The following CACNA1A variants were observed in gnomAD, a reference collection of about 807,000 sequenced individuals.
CACNA1A encodes voltage-dependent P/Q-type calcium channel subunit alpha-1A.
CACNA1A carries 57 observed loss-of-function variants against 262.4 expected under a neutral mutation model. The observed-to-expected ratio is 0.22, with a 90% confidence interval of 0.18 to 0.27. The LOEUF (loss-of-function observed/expected upper bound fraction) is 0.27. CACNA1A is among the 10% of genes least tolerant of loss of function. CACNA1A has a pLI of 1.00. For missense variants in CACNA1A, 2,526 were observed against 3,562.8 expected (o/e 0.71, Z 7.41); for synonymous variants, 1,431 against 1,419.3 (o/e 1.01, Z -0.18).
At chr19:13,402,041 T>A (rs2059907859) in intron 3 of CACNA1A, among the ~76,000 whole-genome samples, 1 of 152,220 alleles carries the variant, frequency 6.6e-6, no homozygotes, top group Non-Finnish European at 1.5e-5. Context: ...ATTTTTGGTT[T>A]TATTGGTTAT....
intron 1 of CACNA1A, among the ~76,000 whole-genome samples, chr19:13,499,931 T>A: frequency 6.6e-6 from 1 of 151,600 alleles, no homozygotes; most frequent in South Asian, 2.1e-4. Context: ...GCTGAGAAAG[T>A]GTATATGTGT....
At chr19:13,432,240 C>T (rs2060520976) in intron 3 of CACNA1A, among the ~76,000 whole-genome samples, 1 of 151,052 alleles carries the variant, frequency 6.6e-6, no homozygotes, top group African/African-American at 2.4e-5. Context: ...CATGGTGAAA[C>T]CCCGTCTCTA....
At chr19:13,286,463 C>G (rs753811539) in intron 20 of CACNA1A, 40 bp downstream of exon 20, 18 of 1,047,028 alleles carry the variant, frequency 1.7e-5, no homozygotes, top group Non-Finnish European at 2.5e-5. Context: ...CCAGGGACGC[C>G]AGGTCCCCTG....
intron 3 of CACNA1A, among the ~76,000 whole-genome samples, chr19:13,426,439 G>C (rs2060404799): frequency 2.0e-5 from 3 of 152,166 alleles, no homozygotes; most frequent in Admixed American, 2.0e-4. Flanking sequence ...GCATTTAGTA[G>C]GGTGAGAGGC....
intron 31 of CACNA1A, chr19:13,244,199 C>A (rs186750569): frequency 6.6e-6 from 1 of 152,134 alleles, no homozygotes; most frequent in African/African-American, 2.4e-5. Context: ...GGTGGGTGGT[C>A]GCTGGACACC....
rs745341861 is a variant in CACNA1A at position 13,462,297 on chromosome 19, C to A, written c.294-7085G>T. On this transcript the variant is annotated intron_variant, in intron 1 of 46. Coordinates refer to ENST00000360228, the MANE Select transcript of CACNA1A (RefSeq NM_001127222.2). The stretch of plus-strand genomic sequence containing the variant: ...TGCTGATGGGTGGGTTCTAAGGAAA[C>A]AGATACTTGTAGCAGTTAGCCAGGT... Among the ~76,000 whole-genome samples, 11 of 152,124 alleles carry A rather than the reference C, an allele frequency of 7.2e-5. No individual in the cohort carries two copies. In the South Asian group the frequency reaches 2.1e-3, roughly 29 times the overall value.
Position 13,283,816 on chromosome 19 carries a change from T to C in CACNA1A, c.3693-420A>G, listed in dbSNP as rs552532857. On this transcript the variant is annotated intron_variant, in intron 21 of 46. Transcript: ENST00000360228. ...CTTTTTAAAAATTAGCTGTGTGACC[T>C]TGGGCAAGTTACTTGTCCCCTCTGT... 861 of 159,356 alleles carry C rather than the reference T, an allele frequency of 5.4e-3. 2 individuals are homozygous for C. The highest frequency in any genetic ancestry group is 0.01 in the Middle Eastern group (3 of 298). The allele number at this position is 159,356 out of a possible 1,614,324, so 9.9% of individuals were successfully genotyped here. A position where few individuals can be genotyped will look rare whatever the true frequency, so the allele number is the denominator to read the frequency against.
At chr19:13,437,781 G>A (rs1014119989) in intron 3 of CACNA1A, among the ~76,000 whole-genome samples, 1 of 151,826 alleles carries the variant, frequency 6.6e-6, no homozygotes, top group Admixed American at 6.6e-5. Context: ...CAACCAGCCT[G>A]GCCTCTGCCC....
Position 13,299,357 on chromosome 19 carries a change from C to A in CACNA1A, c.2280-4G>T. 4.4e-6 allele frequency: 7 copies of A among 1,599,164 alleles called. No homozygotes were observed. Among genetic ancestry groups the A allele is most frequent in the Non-Finnish European group, 5.9e-6 (7 of 1,179,412 alleles). The stretch of plus-strand genomic sequence containing the variant: ...TTGATTCTTCTGTTGCTCTTTCCTG[C>A]AGTGGCATGGTCACAGGACTTAGAG... On this transcript the variant is annotated splice_region_variant and splice_polypyrimidine_tract_variant and intron_variant, in intron 18 of 46. Coordinates refer to ENST00000360228, the MANE Select transcript of CACNA1A (RefSeq NM_001127222.2).
At chr19:13,400,199 T>G (rs1431326479) in intron 3 of CACNA1A, among the ~76,000 whole-genome samples, 1 of 152,154 alleles carries the variant, frequency 6.6e-6, no homozygotes. Context: ...TGAACAGGTG[T>G]GTGTGTGTGG....
In CACNA1A at chr19:13,299,020, G is replaced by A; in HGVS notation, c.2613C>T (p.Pro871=). The A allele has an allele frequency of 6.3e-7, 1 of 1,589,822 alleles. No homozygotes were observed. Among genetic ancestry groups the A allele is most frequent in the Non-Finnish European group, 8.5e-7 (1 of 1,173,994 alleles). ...QARYHDRARD[P]SGSAGLDARR... ...GTGCGTCCAGGCCCGCCGAGCCGCT[G>A]GGGTCCCGGGCCCGATCGTGGTAGC... The change falls in exon 19 of 47, where the codon CCC becomes CCT. Residue 871 remains proline (P), a synonymous_variant. Transcript: ENST00000360228.
chr19:13,476,765 T>G (rs1599340577), intron 1 of CACNA1A, among the ~76,000 whole-genome samples: 1 of 152,082 alleles, frequency 6.6e-6, no homozygotes, highest in Non-Finnish European at 1.5e-5. Context: ...ATAACCAGAA[T>G]CCAGCCACTC....
rs1416765142 is a variant in CACNA1A, at chr19:13,324,814, CAG to C, written c.1345+5428_1345+5429del. Among the ~76,000 whole-genome samples the C allele has an allele frequency of 1.1e-4, 17 of 152,104 alleles. 1 individual carries two copies. The stretch of plus-strand genomic sequence containing the variant: ...GCCTGAGCCCAGGAGCTCCAGGCTG[CAG>C]AGAGCTATGATCATATCACTGCACT... On this transcript the variant is annotated intron_variant, in intron 10 of 46. Coordinates refer to ENST00000360228, the MANE Select transcript of CACNA1A (RefSeq NM_001127222.2).
chr19:13,348,815 ACAGAG>A (rs2058844677), intron 6 of CACNA1A, among the ~76,000 whole-genome samples: 1 of 151,990 alleles, frequency 6.6e-6, no homozygotes, highest in East Asian at 1.9e-4. Context: ...CAGCCTGGCG[ACAGAG>A]CAAGACTCCA....
chr19:13,330,214 A>G (rs747955551), intron 10 of CACNA1A, 30 bp downstream of exon 10: 1 of 1,478,758 alleles, frequency 6.8e-7, no homozygotes, highest in Non-Finnish European at 9.3e-7. Context: ...GGTGATGAAC[A>G]ACTGATAGGT....
chr19:13,376,689 AAT>A (rs543551392), intron 3 of CACNA1A, among the ~76,000 whole-genome samples: 64 of 147,550 alleles, frequency 4.3e-4, no homozygotes, highest in African/African-American at 7.0e-4. Context: ...CACTACACAT[AAT>A]ATATGTTACA....
intron 10 of CACNA1A, among the ~76,000 whole-genome samples, chr19:13,318,664 A>G (rs1008051200): frequency 3.3e-5 from 5 of 151,972 alleles, no homozygotes; most frequent in Non-Finnish European, 5.9e-5. Context: ...TTAAGCGGGG[A>G]GGATTTGGGA....
chr19:13,292,354 T>C lies in CACNA1A; in HGVS notation c.3090-5388A>G, dbSNP rs189179840. On this transcript the variant is annotated intron_variant, in intron 19 of 46. Coordinates refer to ENST00000360228, the MANE Select transcript of CACNA1A (RefSeq NM_001127222.2). ...TCGGCCTGGCAAGGTAGCTCGCTCCTGTAATCCCAGCACTTTGGGAGGCTG... is the reference window on the plus strand; with the variant it reads ...TCGGCCTGGCAAGGTAGCTCGCTCCCGTAATCCCAGCACTTTGGGAGGCTG... Among the ~76,000 whole-genome samples, 240 of 152,308 alleles carry C rather than the reference T, an allele frequency of 1.6e-3. 3 individuals are homozygous for C. The highest frequency in any genetic ancestry group is 0.014 in the Admixed American group (221 of 15,298).
At chr19:13,255,372 T>A in intron 28 of CACNA1A, 113 bp from the exon 29 acceptor site, 1 of 914,524 alleles carries the variant, frequency 1.1e-6, no homozygotes, top group Non-Finnish European at 1.6e-6. Context: ...CTTGAGTCTC[T>A]GCCTCTCTTG....
Sources: gnomAD v4.1 joint callset for allele counts (sites outside exome capture counted in the v4.1 genomes callset) on GRCh38, gnomAD v4.1.1 for gene constraint, MANE v1.5 for transcripts, NCBI Gene and HGNC (gene_info 2026-07-23, HGNC 2026-07-21) for gene names.